Variants in GARRE1 observed in about 807,000 individuals in gnomAD.
The protein encoded by GARRE1 is granule associated Rac and RHOG effector 1.
GARRE1 carries 49 observed loss-of-function variants against 103.2 expected under a neutral mutation model. That is an observed-to-expected ratio of 0.47 (90% CI 0.38 to 0.60). The LOEUF (loss-of-function observed/expected upper bound fraction) is 0.60, where lower values mean the gene tolerates loss of function less well. GARRE1 is among the 20% of genes least tolerant of loss of function. The pLI is 0.00. For synonymous variants in GARRE1, 505 were observed against 532.8 expected, an observed-to-expected ratio of 0.95 and a Z score of 0.72; for missense variants, 1,199 against 1,370.5, an observed-to-expected ratio of 0.87 and a Z score of 1.98.
At chr19:34,334,949 A>G (rs1395374950) in intron 8 of GARRE1, among the ~76,000 whole-genome samples, 3 of 151,768 alleles carry the variant, frequency 2.0e-5, no homozygotes, top group African/African-American at 7.3e-5. Context: ...AGCTTAAGGC[A>G]GGAGAACCGC....
intron 1 of GARRE1, among the ~76,000 whole-genome samples, chr19:34,280,003 A>AAG (rs1568527423): frequency 7.5e-5 from 11 of 147,360 alleles, no homozygotes; most frequent in Non-Finnish European, 1.1e-4. Flanking sequence ...AAAAAAAAAA[A>AAG]AAAAGTGGTT....
At chr19:34,255,624 A>G (rs576367521) in intron 1 of GARRE1, among the ~76,000 whole-genome samples, 20 of 151,456 alleles carry the variant, frequency 1.3e-4, no homozygotes, top group Non-Finnish European at 2.2e-4. Flanking sequence ...ATAGTTTCCA[A>G]TTTGTCACAA....
chr19:34,312,206 G>A (rs911879400), intron 2 of GARRE1, among the ~76,000 whole-genome samples: 1 of 152,284 alleles, frequency 6.6e-6, no homozygotes, highest in African/African-American at 2.4e-5. Context: ...GGCTATTAGA[G>A]CAGTCTAAAT....
In GARRE1 at chr19:34,347,968, C is replaced by G. The variant is rs1362020713; in HGVS notation, c.2613C>G (p.Gly871=). 6.3e-7 allele frequency: 1 copy of G among 1,587,156 alleles called. No individual in the cohort carries two copies. The highest frequency in any genetic ancestry group is 2.3e-5 in the East Asian group (1 of 42,676). Residue 871 remains glycine, a synonymous_variant, in exon 11 of 14, where the codon GGC becomes GGG. Transcript: ENST00000299505. ...KRQAQHGRRP[G]NPRGNWPPMD... is the part of the protein sequence containing the mutation. ...AGGCCCAGCACGGTCGCCGGCCAGG[C>G]AACCCCCGGGGCAACTGGCCGCCTA... is the stretch of plus-strand genomic sequence containing the variant.
intron 7 of GARRE1, 22 bp from the exon 8 acceptor site, chr19:34,333,682 T>TC: frequency 8.1e-7 from 1 of 1,233,580 alleles, no homozygotes; most frequent in Non-Finnish European, 1.1e-6. Flanking sequence ...TATTTGTTTT[T>TC]TTTTTTTTTT....
chr19:34,292,930 G>A (rs1478133273), intron 1 of GARRE1, among the ~76,000 whole-genome samples: 1 of 151,898 alleles, frequency 6.6e-6, no homozygotes, highest in Non-Finnish European at 1.5e-5. Flanking sequence ...GCTGGTTTCT[G>A]ACCCCTGACC....
intron 1 of GARRE1, among the ~76,000 whole-genome samples, chr19:34,262,126 A>G (rs181013010): frequency 1.1e-4 from 17 of 152,020 alleles, no homozygotes; most frequent in African/African-American, 3.4e-4. Flanking sequence ...CTAGGACTAC[A>G]GGTGAGTGCC....
chr19:34,336,469 ATTTT>A (rs11343595), intron 8 of GARRE1, among the ~76,000 whole-genome samples: 1 of 134,114 alleles, frequency 7.5e-6, no homozygotes. Context: ...GTGTTCCTGA[ATTTT>A]TTTTTTTTTT....
intron 8 of GARRE1, among the ~76,000 whole-genome samples, chr19:34,334,708 A>G (rs992822108): frequency 2.0e-5 from 3 of 151,574 alleles, no homozygotes; most frequent in African/African-American, 7.2e-5. Context: ...AAAAAAAAAA[A>G]AAAGAAAAAA....
chr19:34,267,542 A>G (rs2073759853), intron 1 of GARRE1, among the ~76,000 whole-genome samples: 1 of 152,134 alleles, frequency 6.6e-6, no homozygotes. Flanking sequence ...AAAAACAAAA[A>G]CAAAAAATAG....
chr19:34,347,356 C>T (rs920605972), intron 10 of GARRE1, among the ~76,000 whole-genome samples: 1 of 152,154 alleles, frequency 6.6e-6, no homozygotes, highest in Non-Finnish European at 1.5e-5. Flanking sequence ...TCCCAAAGTG[C>T]TGGGATTACA....
At chr19:34,336,595 G>A (rs543706120) in intron 8 of GARRE1, among the ~76,000 whole-genome samples, 3 of 151,828 alleles carry the variant, frequency 2.0e-5, no homozygotes, top group Non-Finnish European at 2.9e-5. Context: ...AGCTTCCTGA[G>A]TAGCTGGGAT....
Position 34,339,861 on chromosome 19 carries a change from G to A in GARRE1, c.1362-6G>A, listed in dbSNP as rs1309863533. 3.7e-6 allele frequency: 6 copies of A among 1,613,980 alleles called. No homozygotes were observed. Among genetic ancestry groups the A allele is most frequent in the Non-Finnish European group, 5.1e-6 (6 of 1,180,016 alleles). ...CCAAGACTAATGCAGCCTAATCTATGCCTAGGTGCCTGAAAGAAGACCCTG... is the reference window on the plus strand; with the variant it reads ...CCAAGACTAATGCAGCCTAATCTATACCTAGGTGCCTGAAAGAAGACCCTG... On this transcript the variant is annotated splice_region_variant and splice_polypyrimidine_tract_variant and intron_variant, in intron 8 of 13. Coordinates refer to ENST00000299505, the MANE Select transcript of GARRE1 (RefSeq NM_014686.5).
At chr19:34,280,854 C>G (rs2073848056) in intron 1 of GARRE1, among the ~76,000 whole-genome samples, 1 of 150,676 alleles carries the variant, frequency 6.6e-6, no homozygotes, top group Non-Finnish European at 1.5e-5. Flanking sequence ...TCAGCCATTT[C>G]TTTAACTAGT....
At chr19:34,309,606 C>T (rs574441348) in intron 2 of GARRE1, among the ~76,000 whole-genome samples, 24 of 152,212 alleles carry the variant, frequency 1.6e-4, no homozygotes, top group Admixed American at 7.2e-4. Flanking sequence ...TCCCACAACA[C>T]GGGGATTATA....
chr19:34,255,299 G>A (rs1411904476), intron 1 of GARRE1, among the ~76,000 whole-genome samples: 1 of 152,248 alleles, frequency 6.6e-6, no homozygotes, highest in African/African-American at 2.4e-5. Flanking sequence ...GGAAAGAAGC[G>A]TGCCTGGTTG....
At chr19:34,311,853 C>T (rs1194533092) in intron 2 of GARRE1, among the ~76,000 whole-genome samples, 2 of 152,242 alleles carry the variant, frequency 1.3e-5, no homozygotes, top group African/African-American at 2.4e-5. Context: ...TCAGGTGATC[C>T]CCCTGCCCTG....
At chr19:34,316,526 T>C (rs1484961341) in intron 2 of GARRE1, among the ~76,000 whole-genome samples, 1 of 152,158 alleles carries the variant, frequency 6.6e-6, no homozygotes, top group African/African-American at 2.4e-5. Flanking sequence ...AGCTAAGACC[T>C]GAGATCCTCG....
At chr19:34,317,727 T>C (rs899609265) in intron 2 of GARRE1, among the ~76,000 whole-genome samples, 1 of 152,230 alleles carries the variant, frequency 6.6e-6, no homozygotes, top group Non-Finnish European at 1.5e-5. Flanking sequence ...AGCCTTTCTA[T>C]GCCTTGATCT....
Sources: allele counts gnomAD v4.1 joint callset (sites outside exome capture counted in the v4.1 genomes callset), GRCh38; gene constraint gnomAD v4.1.1; transcripts MANE v1.5; gene names NCBI Gene and HGNC (gene_info 2026-07-23, HGNC 2026-07-21).